Variants in EBF3 observed in about 807,000 individuals in gnomAD.
EBF3 encodes the protein transcription factor COE3.
EBF3 carries 18 observed loss-of-function variants against 77.1 expected under a neutral mutation model. The ratio of observed to expected loss-of-function variants is 0.23; its 90% CI spans 0.16 to 0.35. The LOEUF is 0.35. Ranked by LOEUF, EBF3 falls within the 10% of genes least tolerant of loss-of-function variation. The pLI is 1.00. For synonymous variants in EBF3, 350 were observed against 343.5 expected (o/e 1.02, Z -0.21); for missense variants, 558 against 860.0 (o/e 0.65, Z 4.39).
At chr10:129,895,429 C>T (rs1854302392) in intron 6 of EBF3, among the ~76,000 whole-genome samples, 1 of 152,260 alleles carries the variant, frequency 6.6e-6, no homozygotes, top group Non-Finnish European at 1.5e-5. Flanking sequence ...GGACACCACA[C>T]TGAGCTGGGC....
intron 6 of EBF3, among the ~76,000 whole-genome samples, chr10:129,908,210 AC>A (rs1331594938): frequency 3.9e-5 from 6 of 152,210 alleles, no homozygotes; most frequent in Non-Finnish European, 8.8e-5. Context: ...CATATTTTAT[AC>A]CGCCTGGCTT....
chr10:129,955,050 A>G (rs1397882458), intron 6 of EBF3, among the ~76,000 whole-genome samples: 1 of 152,148 alleles, frequency 6.6e-6, no homozygotes, highest in Non-Finnish European at 1.5e-5. Context: ...CCTAGTGAAC[A>G]CTAAATTCTT....
intron 10 of EBF3, among the ~76,000 whole-genome samples, chr10:129,857,936 G>A (rs1226096529): frequency 2.0e-5 from 3 of 152,192 alleles, no homozygotes; most frequent in East Asian, 1.9e-4. Context: ...ATAAGACACC[G>A]TGCTCACACT....
At chr10:129,843,323 G>T in intron 11 of EBF3, 121 bp from the exon 12 acceptor site, 1 of 997,602 alleles carries the variant, frequency 1.0e-6, no homozygotes, top group Non-Finnish European at 1.5e-6. Flanking sequence ...ACCCGTCCTG[G>T]CCCTGCCGTG....
chr10:129,924,360 A>G (rs1297696474), intron 6 of EBF3, among the ~76,000 whole-genome samples: 1 of 151,410 alleles, frequency 6.6e-6, no homozygotes, highest in Non-Finnish European at 1.5e-5. Flanking sequence ...GGTTGCAGGG[A>G]GCCAAGCTCA....
intron 6 of EBF3, among the ~76,000 whole-genome samples, chr10:129,881,596 T>C (rs1034888344): frequency 6.6e-6 from 1 of 152,142 alleles, no homozygotes; most frequent in Non-Finnish European, 1.5e-5. Context: ...TGAAATGAGG[T>C]TTCCTCTTTC....
At chr10:129,942,717 C>T (rs138920120) in intron 6 of EBF3, among the ~76,000 whole-genome samples, 63 of 152,300 alleles carry the variant, frequency 4.1e-4, no homozygotes, top group African/African-American at 6.5e-4. Flanking sequence ...TGTCTGCCAG[C>T]GTGGTGACTG....
At chr10:129,913,020 G>A (rs1484944299) in intron 6 of EBF3, among the ~76,000 whole-genome samples, 1 of 152,202 alleles carries the variant, frequency 6.6e-6, no homozygotes, top group Non-Finnish European at 1.5e-5. Flanking sequence ...CACAACTCTG[G>A]TGTCTGAGCA....
intron 6 of EBF3, among the ~76,000 whole-genome samples, chr10:129,928,005 G>A (rs951576019): frequency 2.0e-5 from 3 of 152,188 alleles, no homozygotes; most frequent in African/African-American, 4.8e-5. Flanking sequence ...GGCCCCCACT[G>A]TCTGCTACCA....
At chr10:129,916,011 G>A (rs1269470578) in intron 6 of EBF3, among the ~76,000 whole-genome samples, 1 of 152,194 alleles carries the variant, frequency 6.6e-6, no homozygotes, top group African/African-American at 2.4e-5. Flanking sequence ...CATGATTCAC[G>A]TGGAGCTGGC....
At chr10:129,838,972 G>T in intron 16 of EBF3, 111 bp downstream of exon 16, 1 of 1,064,124 alleles carries the variant, frequency 9.4e-7, no homozygotes, top group Non-Finnish European at 1.3e-6. Flanking sequence ...AACGACCCTG[G>T]TGTGGTGCCC....
rs1339987150 is a variant in EBF3 at position 129,836,693 on chromosome 10, A to AAGAG, written c.*1246_*1249dup. 1 of 152,642 alleles carries AAGAG rather than the reference A, an allele frequency of 6.6e-6. No individual in the cohort carries two copies. The highest frequency in any genetic ancestry group is 2.4e-5 in the African/African-American group (1 of 41,462). The allele number at this position is 152,642 out of a possible 1,614,324, so 9.5% of individuals were successfully genotyped here. Reference sequence around the variant, plus strand: ...TGGTTCAGCTTAACGAAACAGATCAAAGAGACAAGTTCTTGGCTAATGCTC... The same window carrying AAGAG: ...TGGTTCAGCTTAACGAAACAGATCAAAGAGAGAGACAAGTTCTTGGCTAATGCTC... On this transcript the variant is annotated 3_prime_UTR_variant, in exon 17 of 17. Transcript: ENST00000440978.
Position 129,935,318 on chromosome 10 carries a change from G to A in EBF3, c.554+21940C>T, listed in dbSNP as rs148428651. Among the ~76,000 whole-genome samples, 391 of 152,232 alleles carry A rather than the reference G, an allele frequency of 2.6e-3. 2 individuals carry two copies. The highest frequency in any genetic ancestry group is 9.1e-3 in the African/African-American group (376 of 41,528). Reference sequence around the variant, plus strand: ...GGCTTGGATCTGCCCAGTGACTGGCGGCCTGGGACCAGGGTGGCCCTGCCT... The same window carrying A: ...GGCTTGGATCTGCCCAGTGACTGGCAGCCTGGGACCAGGGTGGCCCTGCCT... On this transcript the variant is annotated intron_variant, in intron 6 of 16. Transcript: ENST00000440978. This position sits in a 1 kb window ranked among gnomAD's most constrained non-coding sequence, Gnocchi z 4.2.
chr10:129,867,358 C>A (rs1852096969), intron 9 of EBF3, 91 bp from the exon 10 acceptor site: 1 of 1,558,922 alleles, frequency 6.4e-7, no homozygotes, highest in African/African-American at 1.4e-5. Context: ...AAAATGAGCA[C>A]AAATTGGACC....
Position 129,963,712 on chromosome 10 carries a change from C to A in EBF3, c.57G>T (p.Pro19=), listed in dbSNP as rs774274904. The change falls in exon 1 of 17, where the codon CCG becomes CCT. Residue 19 remains proline (P), a synonymous_variant. Coordinates refer to ENST00000440978, the MANE Select transcript of EBF3 (RefSeq NM_001375380.1). This position sits in a 1 kb window ranked among gnomAD's most constrained non-coding sequence, Gnocchi z 7.1. ...PRGGTTMKEE[P]LGSGMNPVRS... is the part of the protein sequence containing the mutation. ...GCACCGGGTTCATGCCGCTGCCCAG[C>A]GGCTCCTCCTTCATGGTCGTCCCCC... 6.5e-6 allele frequency: 10 copies of A among 1,535,782 alleles called. No homozygotes were observed. Among genetic ancestry groups the A allele is most frequent in the African/African-American group, 1.4e-5 (1 of 69,836 alleles).
chr10:129,887,187 G>A (rs1244308157), intron 6 of EBF3, among the ~76,000 whole-genome samples: 5 of 152,162 alleles, frequency 3.3e-5, no homozygotes, highest in Non-Finnish European at 7.3e-5. Flanking sequence ...CCACGGCTGG[G>A]GAGCATGCCA....
rs1857413774 is a variant in EBF3 at position 129,937,079 on chromosome 10, G to C, written c.554+20179C>G. On this transcript the variant is annotated intron_variant, in intron 6 of 16. Transcript: ENST00000440978. ...CTTCATTCGGGCCCCAAGGGCTGCA[G>C]TGAGGAGGAGCCCAGAGAATCCCCA... Among the ~76,000 whole-genome samples, 5 of 152,224 alleles carry C rather than the reference G, an allele frequency of 3.3e-5. No individual in the cohort carries two copies. The South Asian group carries it at 1.0e-3, about 32-fold the overall frequency.
intron 10 of EBF3, among the ~76,000 whole-genome samples, chr10:129,858,005 G>C (rs1290570283): frequency 6.6e-6 from 1 of 152,226 alleles, no homozygotes; most frequent in Admixed American, 6.5e-5. Context: ...CAGGAAAGGC[G>C]AATCACCGAT....
rs995169008 is a variant in EBF3 at position 129,947,728 on chromosome 10, A to T, written c.554+9530T>A. 6.6e-6 allele frequency among the ~76,000 whole-genome samples: 1 copy of T among 151,988 alleles called. No individual in the cohort carries two copies. The highest frequency in any genetic ancestry group is 2.4e-5 in the African/African-American group (1 of 41,376). On this transcript the variant is annotated intron_variant, in intron 6 of 16. Transcript: ENST00000440978. This position sits in a 1 kb window ranked among gnomAD's most constrained non-coding sequence, Gnocchi z 4.5. ...AGGGCAGGACGGGCAAACTTCTGAA[A>T]GCCTGGTGAACCCCACTGATGACAT...
Sources: gnomAD v4.1 joint callset for allele counts (sites outside exome capture counted in the v4.1 genomes callset) on GRCh38, gnomAD v4.1.1 for gene constraint, Gnocchi (gnomAD v3.1) non-coding constraint, MANE v1.5 for transcripts, NCBI Gene and HGNC (gene_info 2026-07-23, HGNC 2026-07-21) for gene names.